The following TMEFF2 variants were observed in gnomAD, a reference collection of about 807,000 sequenced individuals.
TMEFF2 encodes the protein tomoregulin-2.
A neutral mutation model predicts 53.8 loss-of-function variants in TMEFF2; 28 were observed. The observed-to-expected ratio is 0.52, with a 90% confidence interval of 0.39 to 0.71. The LOEUF is 0.71. Ranked by LOEUF, TMEFF2 falls within the 30% of genes least tolerant of loss-of-function variation. TMEFF2 has a pLI of 0.00. For synonymous variants in TMEFF2, 162 were observed against 166.3 expected, an observed-to-expected ratio of 0.97 and a Z score of 0.20; for missense variants, 353 against 455.2, an observed-to-expected ratio of 0.78 and a Z score of 2.04.
chr2:192,062,187 A>G (rs1330875336), intron 4 of TMEFF2, among the ~76,000 whole-genome samples: 1 of 152,092 alleles, frequency 6.6e-6, no homozygotes, highest in Non-Finnish European at 1.5e-5. Context: ...ATATATGGGC[A>G]GATGTCTGTC....
At chr2:192,033,947 G>A (rs1687210926) in intron 5 of TMEFF2, among the ~76,000 whole-genome samples, 1 of 152,000 alleles carries the variant, frequency 6.6e-6, no homozygotes, top group Non-Finnish European at 1.5e-5. Context: ...AGGCCTAGGT[G>A]GGCAGATCAC....
At chr2:192,138,059 T>C (rs925103912) in intron 4 of TMEFF2, among the ~76,000 whole-genome samples, 1 of 152,198 alleles carries the variant, frequency 6.6e-6, no homozygotes, top group Non-Finnish European at 1.5e-5. Context: ...CCCCAGGTGA[T>C]CTGCCTGCCT....
intron 4 of TMEFF2, among the ~76,000 whole-genome samples, chr2:192,062,775 G>A (rs561847421): frequency 6.6e-6 from 1 of 152,070 alleles, no homozygotes; most frequent in South Asian, 2.1e-4. Context: ...ATATTTTGTA[G>A]AGCATTTTTG....
chr2:192,131,399 G>A (rs563517009), intron 4 of TMEFF2, among the ~76,000 whole-genome samples: 8 of 150,366 alleles, frequency 5.3e-5, no homozygotes, highest in East Asian at 4.0e-4. Context: ...CACCTTTAGC[G>A]GCAAGTCCCG....
At chr2:192,096,476 T>A (rs924800452) in intron 4 of TMEFF2, among the ~76,000 whole-genome samples, 3 of 152,122 alleles carry the variant, frequency 2.0e-5, no homozygotes, top group African/African-American at 7.2e-5. Context: ...TAATCCTTTA[T>A]GCCTACAAAC....
At chr2:192,192,659 T>C (rs1029125783) in intron 1 of TMEFF2, among the ~76,000 whole-genome samples, 6 of 152,194 alleles carry the variant, frequency 3.9e-5, no homozygotes, top group African/African-American at 1.4e-4. Flanking sequence ...AAATATCTGG[T>C]AAATATGTAA....
intron 7 of TMEFF2, among the ~76,000 whole-genome samples, chr2:191,988,864 A>G (rs1182919940): frequency 1.3e-5 from 2 of 152,156 alleles, no homozygotes; most frequent in Non-Finnish European, 2.9e-5. Context: ...ACGCTATCAA[A>G]CATTGATAAT....
At chr2:192,051,229 G>GTTT (rs1559103791) in intron 5 of TMEFF2, among the ~76,000 whole-genome samples, 21 of 14,924 alleles carry the variant, frequency 1.4e-3, no homozygotes, top group Admixed American at 1.5e-3. Context: ...CTTTTTTCTG[G>GTTT]GTTTTTTTTT....
At chr2:192,134,467 G>C (rs1182763053) in intron 4 of TMEFF2, among the ~76,000 whole-genome samples, 3 of 152,120 alleles carry the variant, frequency 2.0e-5, no homozygotes, top group Admixed American at 6.5e-5. Flanking sequence ...CAAGCCACTA[G>C]CCCGCCTCTT....
At chr2:191,974,094 G>T (rs1169631285) in intron 7 of TMEFF2, among the ~76,000 whole-genome samples, 1 of 152,140 alleles carries the variant, frequency 6.6e-6, no homozygotes, top group East Asian at 1.9e-4. Flanking sequence ...CAATTTTTCT[G>T]TGTGTTCTCA....
chr2:191,954,426 A>G (rs1691999851), intron 8 of TMEFF2, among the ~76,000 whole-genome samples: 1 of 152,188 alleles, frequency 6.6e-6, no homozygotes, highest in South Asian at 2.1e-4. Context: ...ATAGAGAGAT[A>G]ATACATGTCC....
chr2:192,147,249 C>T (rs1452673875), intron 4 of TMEFF2, among the ~76,000 whole-genome samples: 1 of 152,030 alleles, frequency 6.6e-6, no homozygotes, highest in African/African-American at 2.4e-5. Context: ...TTCAGATAGA[C>T]ACAGTGAGCT....
chr2:192,042,324 T>C (rs1687505703), intron 5 of TMEFF2, among the ~76,000 whole-genome samples: 1 of 152,054 alleles, frequency 6.6e-6, no homozygotes, highest in Admixed American at 6.6e-5. Context: ...TTGGAAAAAA[T>C]GTGCTGGTAG....
chr2:192,193,404 C>T (rs1019953175), intron 1 of TMEFF2, among the ~76,000 whole-genome samples: 8 of 152,074 alleles, frequency 5.3e-5, no homozygotes, highest in Non-Finnish European at 8.8e-5. Context: ...ATCCTCTGGC[C>T]CTATTTAATT....
At chr2:192,009,648 A>G (rs543061998) in intron 5 of TMEFF2, among the ~76,000 whole-genome samples, 205 of 152,246 alleles carry the variant, frequency 1.3e-3, no homozygotes, top group African/African-American at 4.1e-3. Flanking sequence ...ATACCATGCT[A>G]TAATAAATAT....
intron 5 of TMEFF2, among the ~76,000 whole-genome samples, chr2:192,002,234 T>C (rs1686382765): frequency 6.6e-6 from 1 of 152,144 alleles, no homozygotes; most frequent in Admixed American, 6.5e-5. Flanking sequence ...TTGATGTTTT[T>C]ATTCTCAGCC....
At chr2:192,037,127 C>T (rs1055803409) in intron 5 of TMEFF2, 1 of 151,970 alleles carries the variant, frequency 6.6e-6, no homozygotes, top group Non-Finnish European at 1.5e-5. Context: ...GTAAAGCTTT[C>T]CTGACTCTAA....
chr2:192,075,072 T>C (rs997664544), intron 4 of TMEFF2, among the ~76,000 whole-genome samples: 1 of 151,272 alleles, frequency 6.6e-6, no homozygotes, highest in African/African-American at 2.4e-5. Flanking sequence ...TCTCTAAACA[T>C]CTTAATGACG....
chr2:192,135,014 C>A (rs1445935998), intron 4 of TMEFF2, among the ~76,000 whole-genome samples: 1 of 151,934 alleles, frequency 6.6e-6, no homozygotes, highest in East Asian at 1.9e-4. Context: ...ATGCTACAAG[C>A]TACAGCCCAT....
Sources: gnomAD v4.1 joint callset for allele counts (sites outside exome capture counted in the v4.1 genomes callset) on GRCh38, gnomAD v4.1.1 for gene constraint, MANE v1.5 for transcripts, NCBI Gene and HGNC (gene_info 2026-07-23, HGNC 2026-07-21) for gene names.